ANKRD36B: variants seen among roughly 807,000 people sequenced by gnomAD.
ANKRD36B encodes ankyrin repeat domain-containing protein 36B.
Under a neutral mutation model 135.7 loss-of-function variants are expected in ANKRD36B, and 37 were observed. That is an observed-to-expected ratio of 0.27 (90% CI 0.21 to 0.36). The LOEUF (loss-of-function observed/expected upper bound fraction) is 0.36. ANKRD36B is among the 10% of genes least tolerant of loss of function. The pLI, the probability that ANKRD36B is intolerant of heterozygous loss-of-function variation, is 1.00. For synonymous variants in ANKRD36B, 179 were observed against 348.1 expected (o/e 0.51, Z 5.41); for missense variants, 549 against 1,037.1 (o/e 0.53, Z 6.46).
chr2:97,585,418 T>G lies in ANKRD36B; in HGVS notation c.162-20A>C. On this transcript the variant is annotated intron_variant, in intron 1 of 43. Transcript: ENST00000359901. ...GCAGTCCTGTGAGAGTGACAGGACT[T>G]TTTAAAACATGTAACTGTAAGCATT... The G allele has an allele frequency of 2.6e-6, 4 of 1,552,912 alleles. No homozygotes were observed. The highest frequency in any genetic ancestry group is 3.5e-6 in the Non-Finnish European group (4 of 1,147,514).
chr2:97,536,570 T>C lies in ANKRD36B; in HGVS notation c.2090-74A>G. 2 of 626,120 alleles carry C rather than the reference T, an allele frequency of 3.2e-6. 1 individual carries two copies. 38.8% of individuals were successfully genotyped at this position (626,120 alleles called of 1,614,324 possible). On this transcript the variant is annotated intron_variant, in intron 32 of 43. Transcript: ENST00000359901. Reference sequence around the variant, plus strand: ...ACCATACATTCGTGGAGTGTTAGCATCAAACTGAATACTCTTGCCTGTATT... The same window carrying C: ...ACCATACATTCGTGGAGTGTTAGCACCAAACTGAATACTCTTGCCTGTATT...
At chr2:97,549,730 G>A in intron 18 of ANKRD36B, 116 bp from the exon 19 acceptor site, 1 of 1,549,930 alleles carries the variant, frequency 6.5e-7, no homozygotes, top group South Asian at 1.2e-5. Flanking sequence ...CGTAGGCTTT[G>A]ATGGCTTCTA....
chr2:97,557,661 C>A (rs1432024354), intron 10 of ANKRD36B, among the ~76,000 whole-genome samples: 5 of 151,760 alleles, frequency 3.3e-5, no homozygotes, highest in African/African-American at 9.7e-5. Context: ...CCAGCTTCAA[C>A]AGCTTGGATA....
rs1190104247 is a variant in ANKRD36B, at chr2:97,560,712, A to T, written c.818T>A (p.Val273Asp). 1 of 1,602,914 alleles carries T rather than the reference A, an allele frequency of 6.2e-7. No individual in the cohort carries two copies. The highest frequency in any genetic ancestry group is 1.3e-5 in the African/African-American group (1 of 74,836). Residue 273 changes from valine to aspartate, a missense_variant, in exon 8 of 44, where the codon GTT (valine) becomes GAT (aspartate). Val to Asp is a radical substitution (Grantham distance 152, BLOSUM62 -3). Coordinates refer to ENST00000359901, the MANE Select transcript of ANKRD36B (RefSeq NM_001393939.1). ...CTTTATTTCTGTGGCTATATTTGAA[A>T]CAGAATCTTTGTCGTCACTTGTAGC... is the stretch of plus-strand genomic sequence containing the variant. ...EKATSDDKDS[V>D]SNIATEIKEG...
intron 12 of ANKRD36B, among the ~76,000 whole-genome samples, chr2:97,555,899 C>T (rs565190371): frequency 4.1e-4 from 62 of 151,910 alleles, no homozygotes; most frequent in African/African-American, 1.4e-3. Context: ...TTTCTTCATC[C>T]ACTAATGGCA....
chr2:97,494,596 G>T (rs1464220179), intron 43 of ANKRD36B, among the ~76,000 whole-genome samples: 1 of 106,318 alleles, frequency 9.4e-6, no homozygotes, highest in Non-Finnish European at 2.6e-5. Flanking sequence ...ATCAAATCTC[G>T]ACACAATATT....
In ANKRD36B at chr2:97,553,085, C is replaced by T. The variant is rs539474252; in HGVS notation, c.1273+83G>A. On this transcript the variant is annotated intron_variant, in intron 16 of 43. Transcript: ENST00000359901. ...GTGCAGCTTCAGCGAGCCCCCCACCCGCCCTGCGCTGATTTATTAGGGGTA... is the reference window on the plus strand; with the variant it reads ...GTGCAGCTTCAGCGAGCCCCCCACCTGCCCTGCGCTGATTTATTAGGGGTA... 1.6e-5 allele frequency: 24 copies of T among 1,503,872 alleles called. No individual in the cohort carries two copies. In the Admixed American group the frequency reaches 1.8e-4, roughly 11 times the overall value. 93.2% of individuals were successfully genotyped at this position (1,503,872 alleles called of 1,614,324 possible). A position where few individuals can be genotyped will look rare whatever the true frequency, so the allele number is the denominator to read the frequency against.
At chr2:97,536,940 A>C (rs567715367) in intron 32 of ANKRD36B, among the ~76,000 whole-genome samples, 1 of 97,110 alleles carries the variant, frequency 1.0e-5, no homozygotes, top group African/African-American at 3.1e-5. Flanking sequence ...CTGATAACTG[A>C]GAAGGTACAC....
intron 6 of ANKRD36B, among the ~76,000 whole-genome samples, chr2:97,566,557 G>T (rs191791853): frequency 6.6e-5 from 10 of 152,092 alleles, no homozygotes; most frequent in Middle Eastern, 3.4e-3. Context: ...ATGCAAAGAA[G>T]AATATATTAT....
rs2079062369 is a variant in ANKRD36B, at chr2:97,539,900, T to C, written c.1987+134A>G. The C allele has an allele frequency of 2.2e-5, 9 of 411,790 alleles. 1 individual carries two copies. Among genetic ancestry groups the C allele is most frequent in the South Asian group, 1.7e-4 (9 of 52,930 alleles). 25.5% of individuals were successfully genotyped at this position (411,790 alleles called of 1,614,324 possible). A position where few individuals can be genotyped will look rare whatever the true frequency, so the allele number is the denominator to read the frequency against. ...GCATCAGCGTCACCCGAGAACTTAT[T>C]ACAAATGAAGAATCTCAGGTCTGCA... On this transcript the variant is annotated intron_variant, in intron 30 of 43. Transcript: ENST00000359901.
intron 18 of ANKRD36B, among the ~76,000 whole-genome samples, chr2:97,550,204 G>T (rs202196344): frequency 7.3e-6 from 1 of 137,294 alleles, no homozygotes; most frequent in Non-Finnish European, 1.6e-5. Context: ...CACCCATATG[G>T]TGTAATAATC....
Position 97,553,153 on chromosome 2 carries a change from G to C in ANKRD36B, c.1273+15C>G. On this transcript the variant is annotated intron_variant, in intron 16 of 43. Coordinates refer to ENST00000359901, the MANE Select transcript of ANKRD36B (RefSeq NM_001393939.1). The stretch of plus-strand genomic sequence containing the variant: ...CTGGATTGAACATGACATTGAATGT[G>C]TTTTGCAAAATTACCTGTCCCAGAT... The C allele has an allele frequency of 6.2e-7, 1 of 1,608,340 alleles. No individual in the cohort carries two copies. The highest frequency in any genetic ancestry group is 1.1e-5 in the South Asian group (1 of 90,588).
chr2:97,576,371 A>T lies in ANKRD36B; in HGVS notation c.763+8T>A. 7.9e-7 allele frequency: 1 copy of T among 1,273,366 alleles called. No individual in the cohort carries two copies. The allele number at this position is 1,273,366 out of a possible 1,614,324, so 78.9% of individuals were successfully genotyped here. A position where few individuals can be genotyped will look rare whatever the true frequency, so the allele number is the denominator to read the frequency against. On this transcript the variant is annotated splice_region_variant and intron_variant, in intron 6 of 43. Coordinates refer to ENST00000359901, the MANE Select transcript of ANKRD36B (RefSeq NM_001393939.1). ...CCATCAAGAGTAATTCACTATCAGA[A>T]ATCTCACCTGGATTGCTATTTATAG...
At chr2:97,565,787 AGT>A (rs1290365899) in intron 6 of ANKRD36B, among the ~76,000 whole-genome samples, 1 of 152,122 alleles carries the variant, frequency 6.6e-6, no homozygotes, top group East Asian at 1.9e-4. Context: ...TGTGGAAGAC[AGT>A]GTGGTGATTC....
At chr2:97,562,321 A>G (rs2081098204) in intron 6 of ANKRD36B, among the ~76,000 whole-genome samples, 1 of 151,940 alleles carries the variant, frequency 6.6e-6, no homozygotes, top group African/African-American at 2.4e-5. Context: ...GCATTCTTTG[A>G]TTCCTTTTTT....
rs1346034232 is a variant in ANKRD36B at position 97,545,308 on chromosome 2, A to G, written c.1681+358T>C. 2.1e-5 allele frequency among the ~76,000 whole-genome samples: 2 copies of G among 95,226 alleles called. 1 individual carries two copies. Among genetic ancestry groups the G allele is most frequent in the Admixed American group, 1.9e-4 (2 of 10,684 alleles). The allele number at this position is 95,226 out of a possible 152,430, so 62.5% of individuals were successfully genotyped here. A position where few individuals can be genotyped will look rare whatever the true frequency, so the allele number is the denominator to read the frequency against. ...ATCACTTTTCCCTCTGTTTATCCCA[A>G]TACAATCTGACACCTCTAATATCTA... On this transcript the variant is annotated intron_variant, in intron 24 of 43. Transcript: ENST00000359901.
intron 3 of ANKRD36B, among the ~76,000 whole-genome samples, chr2:97,581,760 T>G (rs911942583): frequency 2.6e-5 from 4 of 152,228 alleles, no homozygotes; most frequent in African/African-American, 7.2e-5. Flanking sequence ...GAATTATTTA[T>G]AGCATAATGA....
intron 36 of ANKRD36B, among the ~76,000 whole-genome samples, chr2:97,521,974 T>A (rs2259030): frequency 0.33 from 26,458 of 80,690 alleles, 11,531 homozygotes; most frequent in African/African-American, 0.78. Context: ...TCCATATCCA[T>A]AAAGTGAACT....
At chr2:97,494,214 TA>T (rs1319246830) in intron 43 of ANKRD36B, among the ~76,000 whole-genome samples, 4 of 85,144 alleles carry the variant, frequency 4.7e-5, no homozygotes, top group Admixed American at 3.0e-4. Context: ...TGTGTTGCTA[TA>T]AAAAAATAGC....
Sources: allele counts gnomAD v4.1 joint callset (sites outside exome capture counted in the v4.1 genomes callset), GRCh38; gene constraint gnomAD v4.1.1; transcripts MANE v1.5; gene names NCBI Gene and HGNC (gene_info 2026-07-23, HGNC 2026-07-21).